Variants in DZIP3 observed in about 807,000 individuals in gnomAD.
DZIP3 encodes DAZ interacting zinc finger protein 3, also known as E3 ubiquitin-protein ligase DZIP3.
Under a neutral mutation model 162.0 loss-of-function variants are expected in DZIP3, and 118 were observed. The ratio of observed to expected loss-of-function variants is 0.73; its 90% CI spans 0.63 to 0.85. DZIP3 has a LOEUF of 0.85. Ranked by LOEUF, DZIP3 falls within the 40% of genes least tolerant of loss-of-function variation. The pLI, the probability that DZIP3 is intolerant of heterozygous loss-of-function variation, is 0.00. For missense variants in DZIP3, 1,331 were observed against 1,407.0 expected (o/e 0.95, Z 0.86); for synonymous variants, 438 against 458.6 (o/e 0.96, Z 0.57).
intron 8 of DZIP3, among the ~76,000 whole-genome samples, chr3:108,631,629 G>T (rs2966562): frequency 0.18 from 21,287 of 120,974 alleles, 2,037 homozygotes; most frequent in Middle Eastern, 0.27. Context: ...TCAGTATGTT[G>T]CCCAGGCTGC....
chr3:108,669,094 G>T (rs1418880518), intron 21 of DZIP3, among the ~76,000 whole-genome samples: 1 of 151,820 alleles, frequency 6.6e-6, no homozygotes, highest in Non-Finnish European at 1.5e-5. Flanking sequence ...CTGATCACAG[G>T]CTATAGATTC....
intron 28 of DZIP3, among the ~76,000 whole-genome samples, chr3:108,687,267 C>A (rs1474868432): frequency 6.6e-6 from 1 of 151,832 alleles, no homozygotes; most frequent in Non-Finnish European, 1.5e-5. Context: ...AAATAGAACT[C>A]TAGTACAGTT....
At chr3:108,616,823 C>G (rs1941044126) in intron 5 of DZIP3, among the ~76,000 whole-genome samples, 166 bp downstream of exon 5, 1 of 152,052 alleles carries the variant, frequency 6.6e-6, no homozygotes, top group African/African-American at 2.4e-5. Context: ...GTGTCTTGTA[C>G]TTTCTTATAT....
At position 108,611,040 on chromosome 3, in the gene DZIP3, A is replaced by G. The variant is rs1221980627; in HGVS notation, c.103-134A>G. The stretch of plus-strand genomic sequence containing the variant: ...TATTATTCTTCCTTAGATTTTTTAT[A>G]ATTCTGTCATAGAAGCTAGGAGAAC... On this transcript the variant is annotated intron_variant, in intron 3 of 32. Coordinates refer to ENST00000361582, the MANE Select transcript of DZIP3 (RefSeq NM_014648.4). 17 of 751,560 alleles carry G rather than the reference A, an allele frequency of 2.3e-5. No individual in the cohort carries two copies. In the East Asian group the frequency reaches 5.0e-4, roughly 22 times the overall value. The allele number at this position is 751,560 out of a possible 1,614,324, so 46.6% of individuals were successfully genotyped here. A position where few individuals can be genotyped will look rare whatever the true frequency, so the allele number is the denominator to read the frequency against.
At chr3:108,647,919 G>A in intron 15 of DZIP3, 24 bp from the exon 16 acceptor site, 2 of 1,460,432 alleles carry the variant, frequency 1.4e-6, no homozygotes, top group Middle Eastern at 2.2e-4. Flanking sequence ...TCTAGATTTT[G>A]AGAATTTTGT....
intron 28 of DZIP3, 66 bp downstream of exon 28, chr3:108,686,650 G>A: frequency 7.2e-7 from 1 of 1,380,830 alleles, no homozygotes; most frequent in South Asian, 2.0e-5. Context: ...CCATAATTGT[G>A]GCAATGAAAC....
rs1044082097 is a variant in DZIP3, at chr3:108,686,603, A to G, written c.3149+19A>G. 6.3e-6 allele frequency: 10 copies of G among 1,587,112 alleles called. No individual in the cohort carries two copies. Among genetic ancestry groups the G allele is most frequent in the East Asian group, 2.3e-5 (1 of 44,188 alleles). ...AAACCAGGTACCTTAGTTTTTATTT[A>G]TTGGTGGGTACAGATCATATTCTCC... On this transcript the variant is annotated intron_variant, in intron 28 of 32. Transcript: ENST00000361582.
chr3:108,623,692 C>T (rs1941470500), intron 5 of DZIP3, among the ~76,000 whole-genome samples: 1 of 152,190 alleles, frequency 6.6e-6, no homozygotes, highest in Non-Finnish European at 1.5e-5. Context: ...GCTCCAAGCC[C>T]AGCACAGCAC....
intron 14 of DZIP3, 29 bp downstream of exon 14, chr3:108,644,810 T>C (rs1942554388): frequency 1.9e-6 from 3 of 1,571,914 alleles, no homozygotes; most frequent in Non-Finnish European, 1.7e-6. Flanking sequence ...CTTCAGCCAA[T>C]AAACTTCCAT....
At chr3:108,599,153 C>A (rs368535035) in intron 1 of DZIP3, among the ~76,000 whole-genome samples, 3 of 152,270 alleles carry the variant, frequency 2.0e-5, no homozygotes, top group East Asian at 3.9e-4. Flanking sequence ...GCACTTATTT[C>A]CTGGTTTAAG....
chr3:108,597,898 A>G (rs1385448186), intron 1 of DZIP3, among the ~76,000 whole-genome samples: 1 of 152,182 alleles, frequency 6.6e-6, no homozygotes, highest in African/African-American at 2.4e-5. Flanking sequence ...GTGATCAAAA[A>G]AGTTTGGAGA....
chr3:108,598,479 AAAG>A (rs1401351691), intron 1 of DZIP3, among the ~76,000 whole-genome samples: 2 of 152,208 alleles, frequency 1.3e-5, no homozygotes, highest in Admixed American at 6.5e-5. Context: ...TACTATATGA[AAAG>A]AAACTCTTTA....
Position 108,624,542 on chromosome 3 carries a change from TG to T in DZIP3, c.456+19del. On this transcript the variant is annotated intron_variant, in intron 6 of 32. Transcript: ENST00000361582. ...AGAAAGAGGTATGTAACATGTTATT[TG>T]CCCTTTATAAATCTTTTTACATCTT... is the stretch of plus-strand genomic sequence containing the variant. 3 of 1,407,572 alleles carry T rather than the reference TG, an allele frequency of 2.1e-6. No individual in the cohort carries two copies. The highest frequency in any genetic ancestry group is 2.9e-6 in the Non-Finnish European group (3 of 1,022,254). The allele number at this position is 1,407,572 out of a possible 1,614,324, so 87.2% of individuals were successfully genotyped here. A position where few individuals can be genotyped will look rare whatever the true frequency, so the allele number is the denominator to read the frequency against.
intron 18 of DZIP3, among the ~76,000 whole-genome samples, chr3:108,652,102 A>G (rs775397499): frequency 2.6e-5 from 4 of 151,766 alleles, no homozygotes; most frequent in Admixed American, 1.3e-4. Context: ...CGTAATAAAA[A>G]TGAAACAATG....
chr3:108,666,590 A>C (rs546176513), intron 21 of DZIP3, among the ~76,000 whole-genome samples: 19 of 152,202 alleles, frequency 1.2e-4, no homozygotes, highest in Non-Finnish European at 2.4e-4. Context: ...TAGAATACAC[A>C]TGCTTTCAAG....
At chr3:108,682,102 T>C (rs955906173) in intron 26 of DZIP3, among the ~76,000 whole-genome samples, 1 of 150,678 alleles carries the variant, frequency 6.6e-6, no homozygotes, top group Non-Finnish European at 1.5e-5. Flanking sequence ...AGAACAGCTA[T>C]TATCAAAAAA....
intron 3 of DZIP3, 118 bp from the exon 4 acceptor site, chr3:108,611,056 C>A: frequency 2.1e-6 from 2 of 954,672 alleles, no homozygotes; most frequent in Non-Finnish European, 1.5e-6. Flanking sequence ...GTCATAGAAG[C>A]TAGGAGAACA....
At chr3:108,618,778 A>T (rs1454116332) in intron 5 of DZIP3, among the ~76,000 whole-genome samples, 4 of 151,970 alleles carry the variant, frequency 2.6e-5, no homozygotes, top group African/African-American at 7.2e-5. Context: ...CAGAAAGCTT[A>T]TGGGCCGGGC....
Position 108,684,348 on chromosome 3 carries a change from G to A in DZIP3, c.3009+7G>A. ...CCAACCTAGAGCCCCCCTGGTAAAA[G>A]CTTTCTTGGTGGAATAGATGTTAAT... On this transcript the variant is annotated splice_region_variant and intron_variant, in intron 27 of 32. Coordinates refer to ENST00000361582, the MANE Select transcript of DZIP3 (RefSeq NM_014648.4). 2 of 1,605,986 alleles carry A rather than the reference G, an allele frequency of 1.2e-6. No homozygotes were observed. Among genetic ancestry groups the A allele is most frequent in the Non-Finnish European group, 1.7e-6 (2 of 1,177,244 alleles).
Sources: gnomAD v4.1 joint callset for allele counts (sites outside exome capture counted in the v4.1 genomes callset) on GRCh38, gnomAD v4.1.1 for gene constraint, MANE v1.5 for transcripts, NCBI Gene and HGNC (gene_info 2026-07-23, HGNC 2026-07-21) for gene names.